The following TRPC4 variants were observed in gnomAD, a reference collection of about 807,000 sequenced individuals.
The protein encoded by TRPC4 is short transient receptor potential channel 4.
TRPC4 carries 49 observed loss-of-function variants against 99.4 expected under a neutral mutation model. The observed-to-expected ratio is 0.49, with a 90% CI of 0.39 to 0.63. The LOEUF is 0.63. Ranked by LOEUF, TRPC4 falls within the 20% of genes least tolerant of loss-of-function variation. The pLI is 0.00. For synonymous variants in TRPC4, 454 were observed against 425.9 expected (o/e 1.07, Z -0.81); for missense variants, 898 against 1,152.9 (o/e 0.78, Z 3.20).
chr13:37,664,093 T>G (rs1952550334), intron 5 of TRPC4, among the ~76,000 whole-genome samples: 1 of 152,212 alleles, frequency 6.6e-6, no homozygotes, highest in Non-Finnish European at 1.5e-5. Context: ...TTTATCTGAA[T>G]GCTCCTTAAG....
intron 3 of TRPC4, among the ~76,000 whole-genome samples, chr13:37,722,068 G>A (rs540909110): frequency 5.6e-4 from 86 of 152,310 alleles, no homozygotes; most frequent in African/African-American, 2.0e-3. Flanking sequence ...GGAGTATATG[G>A]AGATATGTAA....
chr13:37,863,269 C>T (rs1015864484), intron 1 of TRPC4, among the ~76,000 whole-genome samples: 12 of 151,576 alleles, frequency 7.9e-5, no homozygotes, highest in Non-Finnish European at 1.8e-4. Context: ...CCAAGTCATT[C>T]ATTGCAAATC....
chr13:37,859,071 C>A (rs1959199790), intron 1 of TRPC4, among the ~76,000 whole-genome samples: 1 of 150,314 alleles, frequency 6.7e-6, no homozygotes, highest in South Asian at 2.1e-4. Context: ...ACTATGTACA[C>A]AAAAAATTAA....
intron 3 of TRPC4, among the ~76,000 whole-genome samples, chr13:37,726,178 A>G (rs940676868): frequency 6.6e-6 from 1 of 151,648 alleles, no homozygotes; most frequent in Non-Finnish European, 1.5e-5. Context: ...CCTGGGCGAC[A>G]GAGTGAGACA....
At chr13:37,703,857 A>G (rs1335505856) in intron 3 of TRPC4, among the ~76,000 whole-genome samples, 1 of 152,054 alleles carries the variant, frequency 6.6e-6, no homozygotes, top group South Asian at 2.1e-4. Flanking sequence ...TAAAATAGAA[A>G]ATAAAAAAGA....
intron 7 of TRPC4, 136 bp downstream of exon 7, chr13:37,654,952 T>C: frequency 1.5e-6 from 1 of 671,018 alleles, no homozygotes; most frequent in Non-Finnish European, 2.2e-6. Flanking sequence ...AATTTCAAAT[T>C]AACCATTTAT....
intron 5 of TRPC4, among the ~76,000 whole-genome samples, chr13:37,664,671 T>C (rs144813302): frequency 0.011 from 1,684 of 152,322 alleles, 24 homozygotes; most frequent in African/African-American, 0.038. Context: ...AATTGAATTA[T>C]TTGCTTCATA....
At chr13:37,743,528 T>C (rs1304227702) in intron 3 of TRPC4, among the ~76,000 whole-genome samples, 1 of 152,062 alleles carries the variant, frequency 6.6e-6, no homozygotes, top group Non-Finnish European at 1.5e-5. Flanking sequence ...AGGAACAAAA[T>C]GGAGAATATA....
chr13:37,751,596 C>A (rs966242173), intron 2 of TRPC4, among the ~76,000 whole-genome samples: 4 of 151,980 alleles, frequency 2.6e-5, no homozygotes, highest in African/African-American at 4.8e-5. Flanking sequence ...ACTGCAAATG[C>A]GATTTTTCTA....
chr13:37,693,950 A>G (rs529463455), intron 3 of TRPC4, among the ~76,000 whole-genome samples: 11 of 152,304 alleles, frequency 7.2e-5, no homozygotes, highest in African/African-American at 2.4e-4. Flanking sequence ...TTCAAGCTCC[A>G]TGAACAGTCA....
intron 1 of TRPC4, among the ~76,000 whole-genome samples, chr13:37,812,104 A>T (rs1432445617): frequency 6.9e-6 from 1 of 145,512 alleles, no homozygotes; most frequent in East Asian, 2.2e-4. Context: ...GCTTGAACCC[A>T]GGAGGCAGAG....
rs1956061508 is a variant in TRPC4 at position 37,755,055 on chromosome 13, T to C, written c.379-8600A>G. ...GAAATTTATCTCTGTCACTAAAATATACATGTTTGAACCATTATTAATACT... is the reference window on the plus strand; with the variant it reads ...GAAATTTATCTCTGTCACTAAAATACACATGTTTGAACCATTATTAATACT... On this transcript the variant is annotated intron_variant, in intron 2 of 10. Transcript: ENST00000379705. 5.3e-5 allele frequency among the ~76,000 whole-genome samples: 8 copies of C among 152,232 alleles called. No homozygotes were observed. In the South Asian group the frequency reaches 1.7e-3, roughly 32 times the overall value.
chr13:37,748,208 G>A (rs1311854130), intron 2 of TRPC4, among the ~76,000 whole-genome samples: 1 of 152,104 alleles, frequency 6.6e-6, no homozygotes, highest in Non-Finnish European at 1.5e-5. Flanking sequence ...GATATGAGGA[G>A]ACTACTGTAC....
At chr13:37,776,893 T>C (rs2139319535) in intron 2 of TRPC4, among the ~76,000 whole-genome samples, 1 of 152,040 alleles carries the variant, frequency 6.6e-6, no homozygotes, top group East Asian at 1.9e-4. Context: ...AGTAATATAT[T>C]TACTGGAATC....
chr13:37,768,135 T>C (rs1046981366), intron 2 of TRPC4, among the ~76,000 whole-genome samples: 1 of 151,494 alleles, frequency 6.6e-6, no homozygotes, highest in Non-Finnish European at 1.5e-5. Flanking sequence ...TAATGTGAAC[T>C]ACCAATATCA....
intron 1 of TRPC4, among the ~76,000 whole-genome samples, chr13:37,789,353 A>G (rs1035945414): frequency 2.0e-5 from 3 of 152,170 alleles, no homozygotes; most frequent in African/African-American, 7.2e-5. Context: ...TTTCTGAAGC[A>G]TCATAGCCCC....
chr13:37,665,537 G>C (rs1456040792), intron 5 of TRPC4, among the ~76,000 whole-genome samples: 1 of 152,132 alleles, frequency 6.6e-6, no homozygotes, highest in Non-Finnish European at 1.5e-5. Context: ...ATAGCCCGGT[G>C]AGGCAGACAG....
intron 3 of TRPC4, among the ~76,000 whole-genome samples, chr13:37,694,889 T>C (rs376157376): frequency 1.3e-5 from 2 of 152,136 alleles, no homozygotes; most frequent in South Asian, 2.1e-4. Flanking sequence ...ATTCTGAGAA[T>C]CATTGTAAAT....
At chr13:37,660,326 A>G (rs1425707409) in intron 6 of TRPC4, among the ~76,000 whole-genome samples, 1 of 152,224 alleles carries the variant, frequency 6.6e-6, no homozygotes, top group Admixed American at 6.5e-5. Flanking sequence ...CAGACACATT[A>G]AGTAAAATGT....
Sources: allele counts gnomAD v4.1 joint callset (sites outside exome capture counted in the v4.1 genomes callset), GRCh38; gene constraint gnomAD v4.1.1; transcripts MANE v1.5; gene names NCBI Gene and HGNC (gene_info 2026-07-23, HGNC 2026-07-21).